Variants in GPR179 observed in about 807,000 individuals in gnomAD.
GPR179 encodes probable G protein-coupled receptor 179.
A neutral mutation model predicts 70.8 loss-of-function variants in GPR179; 52 were observed. That is an observed-to-expected ratio of 0.73 (90% CI 0.59 to 0.93). The LOEUF (loss-of-function observed/expected upper bound fraction) is 0.93. GPR179 is among the 40% of genes least tolerant of loss of function. The pLI is 0.00. For missense variants in GPR179, 2,734 were observed against 2,966.8 expected (o/e 0.92, Z 1.82); for synonymous variants, 1,123 against 1,169.0 (o/e 0.96, Z 0.80).
rs757741920 is a variant in GPR179 at position 38,335,159 on chromosome 17, C to A, written c.1519G>T (p.Val507Leu). ...LLLPVLGFLA[V>L]WTVGALERGI... ...CGCTCCAGGGCGCCCACGGTCCACA[C>A]AGCCAGGAAGCCCAGCACAGGTAGC... The change falls in exon 7 of 11, where the codon GTG becomes TTG. Residue 507 changes from valine to leucine, a missense_variant. Physicochemically the swap from Val to Leu is conservative, Grantham distance 32. Transcript: ENST00000616987. 35 of 1,584,570 alleles carry A rather than the reference C, an allele frequency of 2.2e-5. No individual in the cohort carries two copies. In the African/African-American group the frequency reaches 3.5e-4, roughly 16 times the overall value.
At position 38,329,206 on chromosome 17, in the gene GPR179, A is replaced by G; in HGVS notation, c.4363T>C (p.Leu1455=). The G allele has an allele frequency of 6.2e-7, 1 of 1,613,850 alleles. No individual in the cohort carries two copies. The highest frequency in any genetic ancestry group is 8.5e-7 in the Non-Finnish European group (1 of 1,179,926). Residue 1455 remains leucine, a synonymous_variant, in exon 11 of 11, where the codon TTG becomes CTG. Transcript: ENST00000616987. ...APGSSECSGS[L]GSGIAEVCLW... ...CACACTTCAGCAATGCCACTGCCCA[A>G]ACTCCCTGAACACTCTGAGCTTCCT...
Position 38,339,542 on chromosome 17 carries a change from G to A in GPR179, c.795-17C>T. The A allele has an allele frequency of 1.3e-6, 2 of 1,557,418 alleles. No individual in the cohort carries two copies. The highest frequency in any genetic ancestry group is 1.8e-6 in the Non-Finnish European group (2 of 1,128,496). ...ACCTGCCCCCTACGGCAGTGAATTG[G>A]CAATTAGGGGCACAGTGATTGATGC... On this transcript the variant is annotated splice_polypyrimidine_tract_variant and intron_variant, in intron 1 of 10. Transcript: ENST00000616987.
At position 38,334,496 on chromosome 17, in the gene GPR179, G is replaced by C. The variant is rs1567725319; in HGVS notation, c.1784+208C>G. 1.3e-5 allele frequency among the ~76,000 whole-genome samples: 2 copies of C among 152,038 alleles called. No individual in the cohort carries two copies. The highest frequency in any genetic ancestry group is 2.9e-5 in the Non-Finnish European group (2 of 67,978). ...AGGAAGGTCCTCTTCCTCCTCTTCT[G>C]TGTTGGGGGCCTCCTCACCTGGGCC... On this transcript the variant is annotated intron_variant, in intron 8 of 10. Transcript: ENST00000616987. The surrounding 1 kb of genome is among the most constrained non-coding windows in gnomAD (Gnocchi z 4.7).
chr17:38,342,894 T>C (rs919226809), intron 1 of GPR179, 102 bp downstream of exon 1: 1 of 1,124,134 alleles, frequency 8.9e-7, no homozygotes, highest in Non-Finnish European at 1.3e-6. Context: ...CCCCCAGGCA[T>C]GCACATGTTC....
chr17:38,331,466 G>A lies in GPR179; in HGVS notation c.2103C>T (p.Asn701=), dbSNP rs1238732474. 1 of 1,614,108 alleles carries A rather than the reference G, an allele frequency of 6.2e-7. No homozygotes were observed. The highest frequency in any genetic ancestry group is 1.7e-5 in the Admixed American group (1 of 60,026). ...TGCCTCGCTTCTTGGGCAGGTGGGGGTTGTTTGCGGCCATTTCCTTGGTTT... is the reference window on the plus strand; with the variant it reads ...TGCCTCGCTTCTTGGGCAGGTGGGGATTGTTTGCGGCCATTTCCTTGGTTT... The part of the protein sequence containing the change: ...VHKTKEMAAN[N]PHLPKKRGSS... Residue 701 remains asparagine, a synonymous_variant, in exon 11 of 11, where the codon AAC becomes AAT. Transcript: ENST00000616987.
In GPR179 at chr17:38,330,571, G is replaced by A. The variant is rs776402208; in HGVS notation, c.2998C>T (p.Leu1000=). The change falls in exon 11 of 11, where the codon CTG becomes TTG. Residue 1000 remains leucine (L), a synonymous_variant. Transcript: ENST00000616987. ...TYICPWENAE[L]PAKQENVPQE... The stretch of plus-strand genomic sequence containing the variant: ...GGCACATTTTCTTGCTTGGCTGGCA[G>A]TTCTGCGTTCTCCCAGGGGCAGATG... 3 of 1,575,894 alleles carry A rather than the reference G, an allele frequency of 1.9e-6. 1 individual carries two copies. The South Asian group carries it at 3.6e-5, about 19-fold the overall frequency.
intron 2 of GPR179, among the ~76,000 whole-genome samples, chr17:38,338,709 G>T (rs1039725199): frequency 1.3e-5 from 2 of 152,218 alleles, no homozygotes; most frequent in African/African-American, 4.8e-5. Context: ...GCAGGCCACA[G>T]GGCTCGCCCT....
In GPR179 at chr17:38,334,819, C is replaced by T; in HGVS notation, c.1669G>A (p.Gly557Ser). The change falls in exon 8 of 11, where the codon GGC (glycine) becomes AGC (serine). Residue 557 changes from glycine (G) to serine (S), a missense_variant. Gly to Ser is a moderately conservative substitution (Grantham distance 56, BLOSUM62 0). Transcript: ENST00000616987. This position sits in a 1 kb window ranked among gnomAD's most constrained non-coding sequence, Gnocchi z 4.7. Reference sequence around the variant, plus strand: ...CGTGTGGCGTAGCAGAGGAAGCTGCCCCAGCACAGCAGCAGCAGCTCAGCT... The same window carrying T: ...CGTGTGGCGTAGCAGAGGAAGCTGCTCCAGCACAGCAGCAGCAGCTCAGCT... The part of the protein sequence containing the change: ...VVAELLLLCW[G>S]SFLCYATRAV... 1 of 1,612,764 alleles carries T rather than the reference C, an allele frequency of 6.2e-7. No homozygotes were observed. Among genetic ancestry groups the T allele is most frequent in the Non-Finnish European group, 8.5e-7 (1 of 1,179,926 alleles).
rs765706293 is a variant in GPR179 at position 38,335,028 on chromosome 17, C to T, written c.1645+5G>A. The T allele has an allele frequency of 1.2e-6, 2 of 1,609,246 alleles. No individual in the cohort carries two copies. On this transcript the variant is annotated splice_donor_5th_base_variant and intron_variant, in intron 7 of 10. Transcript: ENST00000616987. Reference sequence around the variant, plus strand: ...GTAAGGCTGGGCTCAGCAGAAGCAGCTCACCCACAACCATGATGTAGTCCC... The same window carrying T: ...GTAAGGCTGGGCTCAGCAGAAGCAGTTCACCCACAACCATGATGTAGTCCC...
chr17:38,329,889 TTGG>T lies in GPR179; in HGVS notation c.3677_3679del (p.Pro1226_Lys1227delinsGln), dbSNP rs749533255. On this transcript the variant is annotated inframe_deletion, in exon 11 of 11. Coordinates refer to ENST00000616987, the MANE Select transcript of GPR179 (RefSeq NM_001004334.4). ...GCTGCCCAGGGACTGGAGGCCAGCT[TTGG>T]GCAGTTCCTGCCACCCGACAGGGGT... 5 of 1,614,174 alleles carry T rather than the reference TTGG, an allele frequency of 3.1e-6. No individual in the cohort carries two copies. In the South Asian group the frequency reaches 5.5e-5, roughly 18 times the overall value.
rs766904818 is a variant in GPR179, at chr17:38,343,530, G to C, written c.260C>G (p.Ala87Gly). The change falls in exon 1 of 11, where the codon GCC becomes GGC. Residue 87 changes from alanine to glycine, a missense_variant. Transcript: ENST00000616987. This position sits in a 1 kb window ranked among gnomAD's most constrained non-coding sequence, Gnocchi z 4.2. ...TAGGCTTGGGGGGAGCCCTGGCATGGCTCCTGCCCCACGCGCTTCATAGCG... is the reference window on the plus strand; with the variant it reads ...TAGGCTTGGGGGGAGCCCTGGCATGCCTCCTGCCCCACGCGCTTCATAGCG... ...SERYEARGAGAMPGLPPSLQG... is the reference protein window; with the variant it reads ...SERYEARGAGGMPGLPPSLQG... 1.1e-5 allele frequency: 17 copies of C among 1,613,636 alleles called. No homozygotes were observed. The highest frequency in any genetic ancestry group is 1.3e-5 in the Non-Finnish European group (15 of 1,180,006).
rs1296484210 is a variant in GPR179 at position 38,327,024 on chromosome 17, A to T, written c.6545T>A (p.Val2182Asp). ...TGAGCCTGTGCCTTCCCCAGGGCAG[A>T]CTGCCTCCTGCTCTCTGGGCTTTGC... ...AAAKPREQEAVCPGEGTGSGG... is the reference protein window; with the variant it reads ...AAAKPREQEADCPGEGTGSGG... The change falls in exon 11 of 11, where the codon GTC becomes GAC. Residue 2182 changes from valine to aspartate, a missense_variant. Coordinates refer to ENST00000616987, the MANE Select transcript of GPR179 (RefSeq NM_001004334.4). 1 of 1,614,070 alleles carries T rather than the reference A, an allele frequency of 6.2e-7. No homozygotes were observed. Among genetic ancestry groups the T allele is most frequent in the Non-Finnish European group, 8.5e-7 (1 of 1,180,040 alleles).
At position 38,325,051 on chromosome 17, in the gene GPR179, C is replaced by T. The variant is rs1225010824; in HGVS notation, c.*1414G>A. On this transcript the variant is annotated 3_prime_UTR_variant, in exon 11 of 11. Coordinates refer to ENST00000616987, the MANE Select transcript of GPR179 (RefSeq NM_001004334.4). Reference sequence around the variant, plus strand: ...TACTGTTAGAGGGCGTGACTTACTGCCATCTTTAGTGCCCCTGTGCAGCTC... The same window carrying T: ...TACTGTTAGAGGGCGTGACTTACTGTCATCTTTAGTGCCCCTGTGCAGCTC... 2.0e-5 allele frequency among the ~76,000 whole-genome samples: 3 copies of T among 152,178 alleles called. No homozygotes were observed. Among genetic ancestry groups the T allele is most frequent in the Non-Finnish European group, 4.4e-5 (3 of 68,038 alleles).
At position 38,330,499 on chromosome 17, in the gene GPR179, G is replaced by A. The variant is rs1216478415; in HGVS notation, c.3070C>T (p.Pro1024Ser). The A allele has an allele frequency of 1.3e-6, 2 of 1,553,274 alleles. No individual in the cohort carries two copies. Among genetic ancestry groups the A allele is most frequent in the East Asian group, 2.3e-5 (1 of 44,344 alleles). The part of the protein sequence containing the change: ...GPERGHHSPA[P>S]ARARLWRALS... ...GCCCTCCAGAGCCTGGCTCGAGCTGGGGCAGGGGAGTGGTGGCCTCGCTCT... is the reference window on the plus strand; with the variant it reads ...GCCCTCCAGAGCCTGGCTCGAGCTGAGGCAGGGGAGTGGTGGCCTCGCTCT... Residue 1024 changes from proline to serine, a missense_variant, in exon 11 of 11, where the codon CCA (proline) becomes TCA (serine). Coordinates refer to ENST00000616987, the MANE Select transcript of GPR179 (RefSeq NM_001004334.4).
rs769563150 is a variant in GPR179, at chr17:38,333,289, C to T, written c.1999G>A (p.Ala667Thr). Residue 667 changes from alanine (A) to threonine (T), a missense_variant, in exon 10 of 11, where the codon GCC (alanine) becomes ACC (threonine). Physicochemically the swap from Ala to Thr is moderately conservative, Grantham distance 58. Transcript: ENST00000616987. ...GSYLGSSIASAWSEHSLDPGD... is the reference protein window; with the variant it reads ...GSYLGSSIASTWSEHSLDPGD... ...GGGTCCAGGCTGTGCTCACTCCAGG[C>T]TGAGGCGATGCTGCTGCCAAGGTAG... is the stretch of plus-strand genomic sequence containing the variant. 18 of 1,613,958 alleles carry T rather than the reference C, an allele frequency of 1.1e-5. No homozygotes were observed. In the African/African-American group the frequency reaches 1.7e-4, roughly 16 times the overall value.
rs149204689 is a variant in GPR179, at chr17:38,334,044, G to T, written c.1785-6C>A. 5.6e-6 allele frequency: 9 copies of T among 1,602,274 alleles called. No homozygotes were observed. In the South Asian group the frequency reaches 7.7e-5, roughly 14 times the overall value. ...GAGAGGGAACCAGCACAAACCTGGG[G>T]CGGGATAGGGGCGCAGGTCATTACT... On this transcript the variant is annotated splice_polypyrimidine_tract_variant and splice_region_variant and intron_variant, in intron 8 of 10. Coordinates refer to ENST00000616987, the MANE Select transcript of GPR179 (RefSeq NM_001004334.4). This position sits in a 1 kb window ranked among gnomAD's most constrained non-coding sequence, Gnocchi z 4.7.
rs1064796310 is a variant in GPR179 at position 38,326,779 on chromosome 17, TC to T, written c.6789del (p.Arg2264GlufsTer15). ...TCAGGAGCTGTGGGGAAAAATTCTC[TC>T]CGAGTTGCTGTTAAAGCCAGGAGGC... ...ESGLLALTATRREFFPTAPEK... is the reference protein window; with the variant it reads ...ESGLLALTATXREFFPTAPEK... On this transcript the variant is annotated frameshift_variant, in exon 11 of 11. Transcript: ENST00000616987. LOFTEE classifies it low-confidence loss of function (END_TRUNC). 3 of 1,614,086 alleles carry T rather than the reference TC, an allele frequency of 1.9e-6. No individual in the cohort carries two copies. Among genetic ancestry groups the T allele is most frequent in the Non-Finnish European group, 1.7e-6 (2 of 1,180,036 alleles).
chr17:38,341,059 C>G (rs1597670235), intron 1 of GPR179, among the ~76,000 whole-genome samples: 1 of 152,118 alleles, frequency 6.6e-6, no homozygotes, highest in African/African-American at 2.4e-5. Context: ...ACTTTTCTGC[C>G]CCTACAGGCA....
Position 38,327,906 on chromosome 17 carries a change from G to A in GPR179, c.5663C>T (p.Ala1888Val). ...NKDLRESPAQ[A>V]PKISDLPSSM... is the part of the protein sequence containing the mutation. Reference sequence around the variant, plus strand: ...GCTGGGCAAGTCTGAGATCTTGGGGGCCTGAGCAGGGGATTCCCTCAAGTC... The same window carrying A: ...GCTGGGCAAGTCTGAGATCTTGGGGACCTGAGCAGGGGATTCCCTCAAGTC... Residue 1888 changes from alanine (A) to valine (V), a missense_variant, in exon 11 of 11, where the codon GCC becomes GTC. Coordinates refer to ENST00000616987, the MANE Select transcript of GPR179 (RefSeq NM_001004334.4). The A allele has an allele frequency of 6.2e-7, 1 of 1,614,162 alleles. No individual in the cohort carries two copies. Among genetic ancestry groups the A allele is most frequent in the Non-Finnish European group, 8.5e-7 (1 of 1,180,020 alleles).
Sources: gnomAD v4.1 joint callset for allele counts (sites outside exome capture counted in the v4.1 genomes callset) on GRCh38, gnomAD v4.1.1 for gene constraint, Gnocchi (gnomAD v3.1) non-coding constraint, MANE v1.5 for transcripts, NCBI Gene and HGNC (gene_info 2026-07-23, HGNC 2026-07-21) for gene names.